The following NBEA variants were observed in gnomAD, a reference collection of about 807,000 sequenced individuals.
NBEA encodes the protein neurobeachin.
In NBEA, 44 loss-of-function variants were observed where a neutral mutation model predicts 343.4. The observed-to-expected ratio is 0.13, with a 90% confidence interval of 0.10 to 0.16. The LOEUF (loss-of-function observed/expected upper bound fraction) is 0.16. Among genes scored for constraint, NBEA ranks in the 10% least tolerant of loss-of-function variants. The pLI is 1.00. For missense variants in NBEA, 2,555 were observed against 3,631.3 expected, an observed-to-expected ratio of 0.70 and a Z score of 7.62; for synonymous variants, 1,175 against 1,238.7, an observed-to-expected ratio of 0.95 and a Z score of 1.08.
intron 39 of NBEA, among the ~76,000 whole-genome samples, chr13:35,438,743 G>A (rs1475600465): frequency 6.6e-6 from 1 of 152,096 alleles, no homozygotes; most frequent in Non-Finnish European, 1.5e-5. Context: ...GCTCTTTTTG[G>A]TGTCAGTGTC....
intron 36 of NBEA, among the ~76,000 whole-genome samples, chr13:35,326,399 T>C (rs2038559673): frequency 6.6e-6 from 1 of 152,054 alleles, no homozygotes; most frequent in African/African-American, 2.4e-5. Context: ...AGGGGAACTA[T>C]TATAAATGGG....
At chr13:35,060,174 A>T (rs1593220853) in intron 8 of NBEA, among the ~76,000 whole-genome samples, 1 of 151,136 alleles carries the variant, frequency 6.6e-6, no homozygotes, top group East Asian at 1.9e-4. Flanking sequence ...TGACAAGCAA[A>T]CAAATGAAAT....
chr13:34,958,047 CTTA>C (rs1371703256), intron 1 of NBEA, among the ~76,000 whole-genome samples: 8 of 151,748 alleles, frequency 5.3e-5, no homozygotes, highest in African/African-American at 4.8e-5. Context: ...AAAAATATAT[CTTA>C]TTAATAATGT....
chr13:35,069,804 A>G (rs1398983722), intron 8 of NBEA, 104 bp from the exon 9 acceptor site: 4 of 690,692 alleles, frequency 5.8e-6, no homozygotes, highest in East Asian at 6.1e-5. Context: ...GACACATGAA[A>G]GGTACACAAG....
chr13:34,984,404 A>G (rs1014485035), intron 1 of NBEA, among the ~76,000 whole-genome samples: 1 of 152,044 alleles, frequency 6.6e-6, no homozygotes, highest in Non-Finnish European at 1.5e-5. Flanking sequence ...ATTGTTCTAT[A>G]TATCTGTTTT....
rs1296948134 is a variant in NBEA at position 35,445,810 on chromosome 13, A to ATATATATG, written c.6305-6274_6305-6267dup. ...TATATATATATATATATATATATATATATATATGTATATATATATATTATA... is the reference window on the plus strand; with the variant it reads ...TATATATATATATATATATATATATATATATATGTATATATGTATATATATATATTATA... On this transcript the variant is annotated intron_variant, in intron 39 of 58. Transcript: ENST00000379939. 2.2e-5 allele frequency among the ~76,000 whole-genome samples: 3 copies of ATATATATG among 135,478 alleles called. No homozygotes were observed. In the East Asian group the frequency reaches 6.8e-4, roughly 31 times the overall value. 88.9% of individuals were successfully genotyped at this position (135,478 alleles called of 152,430 possible).
chr13:35,234,165 G>T (rs1232842167), intron 34 of NBEA, among the ~76,000 whole-genome samples: 2 of 152,098 alleles, frequency 1.3e-5, no homozygotes, highest in Admixed American at 1.3e-4. Context: ...GCTTTAACTA[G>T]TGTGTTGTAG....
chr13:35,309,059 A>G lies in NBEA; in HGVS notation c.5839-469A>G, dbSNP rs138808624. 2.0e-5 allele frequency among the ~76,000 whole-genome samples: 3 copies of G among 152,202 alleles called. No homozygotes were observed. The East Asian group carries it at 5.8e-4, about 29-fold the overall frequency. ...ATTAAGTAATTTGGAATGTACATAT[A>G]ACTAGAACATTGCACTTCCAAGTCA... On this transcript the variant is annotated intron_variant, in intron 35 of 58. Transcript: ENST00000379939.
chr13:35,239,776 T>A (rs2029892696), intron 34 of NBEA, among the ~76,000 whole-genome samples: 1 of 151,958 alleles, frequency 6.6e-6, no homozygotes, highest in Non-Finnish European at 1.5e-5. Context: ...TGAGTACACT[T>A]AGGGTCCATA....
intron 1 of NBEA, among the ~76,000 whole-genome samples, chr13:35,040,478 ATTTC>A (rs1338076086): frequency 2.0e-5 from 3 of 151,670 alleles, no homozygotes; most frequent in Non-Finnish European, 1.5e-5. Flanking sequence ...TGAGTTTCAT[ATTTC>A]TTTATCTTCT....
intron 35 of NBEA, among the ~76,000 whole-genome samples, chr13:35,301,376 C>T (rs1442533229): frequency 6.6e-6 from 1 of 151,738 alleles, no homozygotes; most frequent in Non-Finnish European, 1.5e-5. Context: ...GTGTGATGTT[C>T]CCCTACCTGT....
intron 48 of NBEA, among the ~76,000 whole-genome samples, chr13:35,624,335 A>T (rs540105319): frequency 6.6e-6 from 1 of 152,278 alleles, no homozygotes; most frequent in East Asian, 1.9e-4. Context: ...ATCAAAATTT[A>T]TGAAGTATCT....
chr13:35,081,040 A>G (rs1436579695), intron 10 of NBEA, among the ~76,000 whole-genome samples: 1 of 152,198 alleles, frequency 6.6e-6, no homozygotes, highest in Non-Finnish European at 1.5e-5. Context: ...TTACCTTAAC[A>G]CAATGACTTT....
intron 41 of NBEA, among the ~76,000 whole-genome samples, chr13:35,507,561 GTCTT>G (rs2077118889): frequency 6.6e-6 from 1 of 152,042 alleles, no homozygotes; most frequent in Non-Finnish European, 1.5e-5. Flanking sequence ...TGTACCTACA[GTCTT>G]TCTTATCACA....
rs531730896 is a variant in NBEA at position 35,488,488 on chromosome 13, G to A, written c.6585+15952G>A. Among the ~76,000 whole-genome samples the A allele has an allele frequency of 2.0e-5, 3 of 151,784 alleles. No individual in the cohort carries two copies. The South Asian group carries it at 6.2e-4, about 31-fold the overall frequency. ...CAATTTTGCTTTGTCAATAAATTTT[G>A]TATCTACAAATGAAATCTGCAGGTT... On this transcript the variant is annotated intron_variant, in intron 41 of 58. Coordinates refer to ENST00000379939, the MANE Select transcript of NBEA (RefSeq NM_001385012.1).
chr13:35,490,529 G>C (rs1387047490), intron 41 of NBEA, among the ~76,000 whole-genome samples: 1 of 151,838 alleles, frequency 6.6e-6, no homozygotes, highest in African/African-American at 2.4e-5. Context: ...ATACCCTGAC[G>C]TAAGAAGTTA....
chr13:35,469,187 T>G (rs1014343006), intron 40 of NBEA, among the ~76,000 whole-genome samples: 11 of 152,092 alleles, frequency 7.2e-5, no homozygotes, highest in Non-Finnish European at 1.5e-5. Context: ...AATTTTTATT[T>G]TCATCAAGAT....
intron 55 of NBEA, among the ~76,000 whole-genome samples, chr13:35,660,585 T>C (rs1219573130): frequency 6.6e-6 from 1 of 152,172 alleles, no homozygotes; most frequent in Non-Finnish European, 1.5e-5. Context: ...GCTCCCATTG[T>C]GTATGCCTCA....
At chr13:35,226,750 T>C (rs1276449062) in intron 33 of NBEA, among the ~76,000 whole-genome samples, 8 of 151,312 alleles carry the variant, frequency 5.3e-5, no homozygotes, top group African/African-American at 1.9e-4. Context: ...GTTGGGGATG[T>C]CTAAGGGCAT....
Sources: gnomAD v4.1 joint callset for allele counts (sites outside exome capture counted in the v4.1 genomes callset) on GRCh38, gnomAD v4.1.1 for gene constraint, MANE v1.5 for transcripts, NCBI Gene and HGNC (gene_info 2026-07-23, HGNC 2026-07-21) for gene names.